The following NLRC5 variants were observed in gnomAD, a reference collection of about 807,000 sequenced individuals.
NLRC5 encodes NLR family CARD domain containing 5.
Under a neutral mutation model 206.9 loss-of-function variants are expected in NLRC5, and 114 were observed. The observed-to-expected ratio is 0.55, with a 90% CI of 0.47 to 0.64. The LOEUF is 0.64. Ranked by LOEUF, NLRC5 falls within the 30% of genes least tolerant of loss-of-function variation. The pLI is 0.00. For synonymous variants in NLRC5, 952 were observed against 962.8 expected (o/e 0.99, Z 0.21); for missense variants, 2,008 against 2,305.5 (o/e 0.87, Z 2.64).
rs760436540 is a variant in NLRC5, at chr16:57,026,902, C to A, written c.1959C>A (p.Thr653=). Residue 653 remains threonine, a synonymous_variant, in exon 6 of 49, where the codon ACC becomes ACA. Transcript: ENST00000688547. ...CACTGACCTGCACCGACCTGGCCAC[C>A]CTGACCAACATCCTAGAGCACAGGG... ...NFPLTCTDLA[T]LTNILEHREA... The A allele has an allele frequency of 1.2e-6, 2 of 1,614,100 alleles. No individual in the cohort carries two copies. Among genetic ancestry groups the A allele is most frequent in the Admixed American group, 1.7e-5 (1 of 60,004 alleles).
At chr16:56,990,688 G>A (rs909663938) in intron 1 of NLRC5, 1 of 152,180 alleles carries the variant, frequency 6.6e-6, no homozygotes, top group Non-Finnish European at 1.5e-5. Context: ...CTAAAACCCG[G>A]GGGTAGCAGG....
At position 57,039,794 on chromosome 16, in the gene NLRC5, A is replaced by G. The variant is rs778754768; in HGVS notation, c.2815A>G (p.Thr939Ala). 6.2e-7 allele frequency: 1 copy of G among 1,614,136 alleles called. No homozygotes were observed. Among genetic ancestry groups the G allele is most frequent in the Non-Finnish European group, 8.5e-7 (1 of 1,180,004 alleles). Residue 939 changes from threonine (T) to alanine (A), a missense_variant, in exon 16 of 49, where the codon ACT (threonine) becomes GCT (alanine). Transcript: ENST00000688547. Reference protein sequence around the residue: ...AELHISLQHKTVIFMFAQEPE... With the variant: ...AELHISLQHKAVIFMFAQEPE... Reference sequence around the variant, plus strand: ...TTGTCTTCACAGCCTGCAGCACAAAACTGTGATCTTCATGTTTGCCCAGGA... The same window carrying G: ...TTGTCTTCACAGCCTGCAGCACAAAGCTGTGATCTTCATGTTTGCCCAGGA...
In NLRC5 at chr16:57,046,716, G is replaced by T. The variant is rs544873449; in HGVS notation, c.3338+75G>T. 2,637 of 1,227,246 alleles carry T rather than the reference G, an allele frequency of 2.1e-3. 4 individuals are homozygous for T. Among genetic ancestry groups the T allele is most frequent in the Non-Finnish European group, 2.7e-3 (2,254 of 846,832 alleles). 76.0% of individuals were successfully genotyped at this position (1,227,246 alleles called of 1,614,324 possible). On this transcript the variant is annotated intron_variant, in intron 22 of 48. Coordinates refer to ENST00000688547, the MANE Select transcript of NLRC5 (RefSeq NM_001384950.1). Reference sequence around the variant, plus strand: ...CGTCAGAGGGGGCAGAGCTGGCAGGGGGCTAGGGCTGGGGATTGGGATAGA... The same window carrying T: ...CGTCAGAGGGGGCAGAGCTGGCAGGTGGCTAGGGCTGGGGATTGGGATAGA...
At chr16:57,059,711 G>A (rs1390298445) in intron 30 of NLRC5, among the ~76,000 whole-genome samples, 179 bp downstream of exon 30, 1 of 152,178 alleles carries the variant, frequency 6.6e-6, no homozygotes, top group Non-Finnish European at 1.5e-5. Flanking sequence ...TCCAGTCTCA[G>A]CCAGGGCCTT....
intron 1 of NLRC5, among the ~76,000 whole-genome samples, chr16:57,005,526 A>G (rs1038776047): frequency 6.6e-6 from 1 of 151,808 alleles, no homozygotes; most frequent in African/African-American, 2.4e-5. Context: ...AAAGAAAAAA[A>G]GTGAACTTGG....
intron 21 of NLRC5, among the ~76,000 whole-genome samples, chr16:57,046,250 G>C (rs796756019): frequency 1.1e-4 from 17 of 152,344 alleles, no homozygotes; most frequent in African/African-American, 4.1e-4. Context: ...TGGTCAGAGA[G>C]GCTCTGTCTT....
intron 13 of NLRC5, among the ~76,000 whole-genome samples, chr16:57,035,581 C>T (rs777341376): frequency 3.3e-5 from 5 of 152,200 alleles, no homozygotes; most frequent in Non-Finnish European, 5.9e-5. Flanking sequence ...CACCCTTCCT[C>T]CATCTCTCCC....
At chr16:57,012,481 T>C (rs1248766663) in intron 1 of NLRC5, among the ~76,000 whole-genome samples, 1 of 152,188 alleles carries the variant, frequency 6.6e-6, no homozygotes, top group Non-Finnish European at 1.5e-5. Flanking sequence ...TGTTAGGAAC[T>C]GGGCCGCACA....
intron 2 of NLRC5, among the ~76,000 whole-genome samples, chr16:57,018,563 C>A (rs1305176257): frequency 6.6e-6 from 1 of 152,138 alleles, no homozygotes; most frequent in African/African-American, 2.4e-5. Context: ...GACAGTACAT[C>A]CAAGTATGTC....
At chr16:57,041,021 C>T (rs1467693778) in intron 17 of NLRC5, among the ~76,000 whole-genome samples, 1 of 152,162 alleles carries the variant, frequency 6.6e-6, no homozygotes, top group Admixed American at 6.5e-5. Flanking sequence ...TGAAGGGGAG[C>T]ACTGGGCTCC....
chr16:57,007,202 C>T (rs1013636963), intron 1 of NLRC5, among the ~76,000 whole-genome samples: 1 of 152,160 alleles, frequency 6.6e-6, no homozygotes, highest in Non-Finnish European at 1.5e-5. Flanking sequence ...TCCTGTGTAG[C>T]TTCCCAGAGT....
At chr16:57,007,872 G>A (rs986103986) in intron 1 of NLRC5, among the ~76,000 whole-genome samples, 9 of 152,076 alleles carry the variant, frequency 5.9e-5, no homozygotes, top group African/African-American at 2.2e-4. Context: ...TACATTTATA[G>A]CTTTGTTTAT....
intron 35 of NLRC5, 71 bp from the exon 36 acceptor site, chr16:57,067,665 C>A: frequency 2.0e-6 from 3 of 1,491,878 alleles, no homozygotes; most frequent in Non-Finnish European, 2.8e-6. Context: ...CTTGGCACCC[C>A]CTTCTGGATG....
At position 57,055,490 on chromosome 16, in the gene NLRC5, G is replaced by A. The variant is rs539960974; in HGVS notation, c.3717G>A (p.Leu1239=). ...ACGTAGAGTCACTCTGCTGGTTGCT[G>A]AGCAAGTGTAAAGACCTCAGCCAGG... ...QEHVESLCWL[L]SKCKDLSQVD... The change falls in exon 27 of 49, where the codon CTG becomes CTA. Residue 1239 remains leucine, a synonymous_variant. Transcript: ENST00000688547. 1.3e-4 allele frequency: 210 copies of A among 1,613,918 alleles called. 1 individual carries two copies. The South Asian group carries it at 2.2e-3, about 17-fold the overall frequency.
Position 57,026,176 on chromosome 16 carries a change from C to A in NLRC5, c.1233C>A (p.Val411=). 2 of 1,613,850 alleles carry A rather than the reference C, an allele frequency of 1.2e-6. No individual in the cohort carries two copies. The highest frequency in any genetic ancestry group is 1.7e-6 in the Non-Finnish European group (2 of 1,180,024). Residue 411 remains valine, a synonymous_variant, in exon 6 of 49, where the codon GTC becomes GTA. Transcript: ENST00000688547. Reference sequence around the variant, plus strand: ...GTGCGGTGCCCGCACTGTGCCAAGTCGCCTGTCTCTGCCTCCACCATCTGC... The same window carrying A: ...GTGCGGTGCCCGCACTGTGCCAAGTAGCCTGTCTCTGCCTCCACCATCTGC... ...SLCAVPALCQ[V]ACLCLHHLLP...
intron 1 of NLRC5, among the ~76,000 whole-genome samples, chr16:57,003,007 A>T (rs143460991): frequency 7.1e-4 from 107 of 151,436 alleles, no homozygotes; most frequent in African/African-American, 2.4e-3. Context: ...TTACATTCCC[A>T]CCAGTGTATG....
chr16:57,061,397 A>C lies in NLRC5; in HGVS notation c.3987-51A>C, dbSNP rs1220861171. Reference sequence around the variant, plus strand: ...CAGGGAGGCTGAGATGAAGCTGAGCAGCAGTGCCCACAGGCCTCACCCAGG... The same window carrying C: ...CAGGGAGGCTGAGATGAAGCTGAGCCGCAGTGCCCACAGGCCTCACCCAGG... On this transcript the variant is annotated intron_variant, in intron 30 of 48. Transcript: ENST00000688547. The C allele has an allele frequency of 2.6e-6, 4 of 1,550,002 alleles. No individual in the cohort carries two copies. The African/African-American group carries it at 5.4e-5, about 21-fold the overall frequency.
intron 6 of NLRC5, 43 bp from the exon 7 acceptor site, chr16:57,028,029 G>A (rs749497136): frequency 6.8e-7 from 1 of 1,461,562 alleles, no homozygotes; most frequent in Admixed American, 1.7e-5. Flanking sequence ...TCTCAGCTCT[G>A]CCCAGCACTG....
At chr16:57,008,302 C>T (rs1259395007) in intron 1 of NLRC5, among the ~76,000 whole-genome samples, 2 of 152,094 alleles carry the variant, frequency 1.3e-5, no homozygotes, top group Non-Finnish European at 1.5e-5. Context: ...ACTTTTTTGT[C>T]GTGAAACATA....
Sources: allele counts gnomAD v4.1 joint callset (sites outside exome capture counted in the v4.1 genomes callset), GRCh38; gene constraint gnomAD v4.1.1; transcripts MANE v1.5; gene names NCBI Gene and HGNC (gene_info 2026-07-23, HGNC 2026-07-21).